The following BRINP3 variants were observed in gnomAD, a reference collection of about 807,000 sequenced individuals.
The protein encoded by BRINP3 is BMP/retinoic acid-inducible neural-specific protein 3.
In BRINP3, 19 loss-of-function variants were observed where a neutral mutation model predicts 71.0. The ratio of observed to expected loss-of-function variants is 0.27; its 90% CI spans 0.19 to 0.39. The LOEUF (loss-of-function observed/expected upper bound fraction) is 0.39. Among genes scored for constraint, BRINP3 ranks in the 10% least tolerant of loss-of-function variants. The pLI is 1.00. For synonymous variants in BRINP3, 380 were observed against 337.7 expected, an observed-to-expected ratio of 1.13 and a Z score of -1.37; for missense variants, 959 against 940.8, an observed-to-expected ratio of 1.02 and a Z score of -0.25.
intron 4 of BRINP3, among the ~76,000 whole-genome samples, chr1:190,249,713 A>C (rs1319810452): frequency 6.6e-6 from 1 of 151,864 alleles, no homozygotes; most frequent in Non-Finnish European, 1.5e-5. Context: ...GAATTGTTTA[A>C]GCCATTTTTG....
At chr1:190,346,077 G>A (rs1471805034) in intron 2 of BRINP3, among the ~76,000 whole-genome samples, 1 of 151,954 alleles carries the variant, frequency 6.6e-6, no homozygotes, top group African/African-American at 2.4e-5. Context: ...AGAAAATGTA[G>A]CATTTCTAGC....
chr1:190,266,945 A>C (rs2102882949), intron 3 of BRINP3, among the ~76,000 whole-genome samples: 1 of 152,292 alleles, frequency 6.6e-6, no homozygotes, highest in African/African-American at 2.4e-5. Context: ...TTAGGTGAAA[A>C]ATTATTAAAT....
At chr1:190,294,777 G>T (rs568915428) in intron 2 of BRINP3, among the ~76,000 whole-genome samples, 6 of 151,850 alleles carry the variant, frequency 4.0e-5, no homozygotes, top group South Asian at 2.1e-4. Context: ...TAGTTTAAAG[G>T]GGACTGCCTG....
intron 1 of BRINP3, among the ~76,000 whole-genome samples, chr1:190,470,002 T>C (rs1290722203): frequency 2.0e-5 from 3 of 151,090 alleles, no homozygotes; most frequent in African/African-American, 7.3e-5. Context: ...TTGTTATTAG[T>C]GACAGTGAGA....
intron 7 of BRINP3, among the ~76,000 whole-genome samples, chr1:190,116,860 G>T (rs1192537494): frequency 2.0e-5 from 3 of 151,936 alleles, no homozygotes; most frequent in Non-Finnish European, 4.4e-5. Flanking sequence ...TAGAATTTCT[G>T]TATACAAAAC....
intron 2 of BRINP3, among the ~76,000 whole-genome samples, chr1:190,359,352 C>A (rs1320199840): frequency 6.6e-6 from 1 of 152,056 alleles, no homozygotes; most frequent in Admixed American, 6.6e-5. Flanking sequence ...ATCAGAAAGA[C>A]CAATGGTGTG....
intron 2 of BRINP3, among the ~76,000 whole-genome samples, chr1:190,443,841 A>G (rs1023897942): frequency 2.6e-5 from 4 of 152,146 alleles, no homozygotes; most frequent in African/African-American, 9.7e-5. Flanking sequence ...GTATCAAACA[A>G]TCAGAACTCA....
chr1:190,236,682 T>G (rs1417193836), intron 4 of BRINP3, among the ~76,000 whole-genome samples: 1 of 151,956 alleles, frequency 6.6e-6, no homozygotes, highest in East Asian at 1.9e-4. Context: ...GACCTTACTT[T>G]GTTTAGAGAA....
intron 2 of BRINP3, among the ~76,000 whole-genome samples, chr1:190,428,658 T>C (rs1673886129): frequency 6.6e-6 from 1 of 152,102 alleles, no homozygotes. Flanking sequence ...AAATGCATAT[T>C]ATTTTGAATG....
chr1:190,215,867 A>G (rs1029418143), intron 6 of BRINP3, among the ~76,000 whole-genome samples: 1 of 151,904 alleles, frequency 6.6e-6, no homozygotes, highest in Non-Finnish European at 1.5e-5. Context: ...GTGGTAACAC[A>G]TTTTTTCCAA....
intron 1 of BRINP3, among the ~76,000 whole-genome samples, chr1:190,457,179 C>T (rs1386952665): frequency 1.3e-5 from 2 of 152,108 alleles, no homozygotes; most frequent in East Asian, 1.9e-4. Flanking sequence ...CGGTAGCTCA[C>T]GCCTATAATC....
chr1:190,422,293 C>T (rs1015114652), intron 2 of BRINP3, among the ~76,000 whole-genome samples: 1 of 151,548 alleles, frequency 6.6e-6, no homozygotes, highest in African/African-American at 2.4e-5. Context: ...AGAATGTGGT[C>T]GATTAGTCAT....
intron 2 of BRINP3, among the ~76,000 whole-genome samples, chr1:190,379,539 T>C (rs1214002504): frequency 3.9e-5 from 6 of 152,000 alleles, no homozygotes; most frequent in Admixed American, 6.6e-5. Flanking sequence ...GAGACTATCA[T>C]GAGAAAAGCC....
chr1:190,098,342 G>A lies in BRINP3; in HGVS notation c.1977C>T (p.Gly659=), dbSNP rs1361615454. The A allele has an allele frequency of 6.2e-7, 1 of 1,614,008 alleles. No homozygotes were observed. Among genetic ancestry groups the A allele is most frequent in the African/African-American group, 1.3e-5 (1 of 74,896 alleles). The change falls in exon 8 of 8, where the codon GGC becomes GGT. Residue 659 remains glycine, a synonymous_variant. Coordinates refer to ENST00000367462, the MANE Select transcript of BRINP3 (RefSeq NM_199051.3). ...LEFIDPSRNL[G]YMKINNIQVF... ...CTTGAATGTTATTGATTTTCATATA[G>A]CCCAGGTTCCGGGAAGGGTCAATAA... is the stretch of plus-strand genomic sequence containing the variant.
chr1:190,171,190 T>C (rs1236660791), intron 6 of BRINP3, among the ~76,000 whole-genome samples: 10 of 152,102 alleles, frequency 6.6e-5, no homozygotes, highest in Admixed American at 6.6e-4. Flanking sequence ...CACCCATAGT[T>C]CCCTGTTTCT....
chr1:190,246,790 T>C (rs1372743053), intron 4 of BRINP3, among the ~76,000 whole-genome samples: 4 of 152,022 alleles, frequency 2.6e-5, no homozygotes, highest in Admixed American at 6.6e-5. Context: ...CTTATTGATG[T>C]AACTGTTGTG....
chr1:190,435,106 C>T (rs758894559), intron 2 of BRINP3, among the ~76,000 whole-genome samples: 43 of 152,228 alleles, frequency 2.8e-4, no homozygotes, highest in Middle Eastern at 3.4e-3. Context: ...AACAAATTTC[C>T]TGATCAATGA....
chr1:190,169,415 C>G (rs1651823980), intron 6 of BRINP3, among the ~76,000 whole-genome samples: 1 of 152,104 alleles, frequency 6.6e-6, no homozygotes, highest in Non-Finnish European at 1.5e-5. Flanking sequence ...GAGATTACTT[C>G]TGCTATTGTG....
chr1:190,159,227 G>A (rs185870530), intron 7 of BRINP3, among the ~76,000 whole-genome samples: 3 of 152,186 alleles, frequency 2.0e-5, no homozygotes, highest in Admixed American at 2.0e-4. Context: ...CACAAGTGTT[G>A]AAGATAATGT....
Sources: allele counts gnomAD v4.1 joint callset (sites outside exome capture counted in the v4.1 genomes callset), GRCh38; gene constraint gnomAD v4.1.1; transcripts MANE v1.5; gene names NCBI Gene and HGNC (gene_info 2026-07-23, HGNC 2026-07-21).